The following ITGB6 variants were observed in gnomAD, a reference collection of about 807,000 sequenced individuals.
ITGB6 encodes the protein integrin subunit beta 6.
Under a neutral mutation model 84.5 loss-of-function variants are expected in ITGB6, and 80 were observed. The ratio of observed to expected loss-of-function variants is 0.95; its 90% CI spans 0.79 to 1.14. The LOEUF is 1.14. Ranked by LOEUF, ITGB6 falls within the 50% of genes most tolerant of loss-of-function variation. The probability of loss-of-function intolerance (pLI) is 0.00; values close to 1 mark genes in which losing one functional copy is unlikely to be tolerated. For missense variants in ITGB6, 1,006 were observed against 968.0 expected (o/e 1.04, Z -0.52); for synonymous variants, 383 against 354.9 (o/e 1.08, Z -0.89).
At chr2:160,192,843 C>G (rs893028689) in intron 4 of ITGB6, among the ~76,000 whole-genome samples, 8 of 151,644 alleles carry the variant, frequency 5.3e-5, no homozygotes, top group Non-Finnish European at 1.2e-4. Flanking sequence ...GAAAAGAAAC[C>G]ACAAAATAAG....
intron 7 of ITGB6, among the ~76,000 whole-genome samples, chr2:160,158,787 C>A (rs1211877879): frequency 6.6e-6 from 1 of 152,148 alleles, no homozygotes; most frequent in South Asian, 2.1e-4. Context: ...GCAGCAACAT[C>A]ATCTGGAAAC....
At chr2:160,181,299 A>G (rs1482035608) in intron 4 of ITGB6, among the ~76,000 whole-genome samples, 1 of 152,134 alleles carries the variant, frequency 6.6e-6, no homozygotes, top group Admixed American at 6.6e-5. Context: ...GGAGCTTGGT[A>G]GGGGGAGGGG....
intron 4 of ITGB6, among the ~76,000 whole-genome samples, chr2:160,187,646 C>T (rs11895140): frequency 0.026 from 3,970 of 152,088 alleles, 150 homozygotes; most frequent in African/African-American, 0.087. Context: ...AAGAGATTTC[C>T]GAATATGTAA....
At chr2:160,152,305 A>C (rs560177293) in intron 7 of ITGB6, among the ~76,000 whole-genome samples, 1 of 152,354 alleles carries the variant, frequency 6.6e-6, no homozygotes, top group East Asian at 1.9e-4. Context: ...TATGCAAATC[A>C]ATAAACATAA....
intron 10 of ITGB6, among the ~76,000 whole-genome samples, chr2:160,133,286 TAAAC>T (rs1683547085): frequency 6.6e-6 from 1 of 152,016 alleles, no homozygotes; most frequent in Non-Finnish European, 1.5e-5. Flanking sequence ...AAACAGACTT[TAAAC>T]AAACAAAGAT....
intron 4 of ITGB6, among the ~76,000 whole-genome samples, chr2:160,185,915 C>G (rs1402458558): frequency 1.3e-5 from 2 of 152,058 alleles, no homozygotes; most frequent in African/African-American, 4.8e-5. Context: ...AACTGACTAG[C>G]CATATGCAAA....
intron 10 of ITGB6, 98 bp downstream of exon 10, chr2:160,137,336 A>G (rs371327349): frequency 9.0e-7 from 1 of 1,111,194 alleles, no homozygotes; most frequent in African/African-American, 1.6e-5. Flanking sequence ...TTTATTGAGC[A>G]CCTACTGTGC....
At chr2:160,187,576 A>G (rs1574139590) in intron 4 of ITGB6, among the ~76,000 whole-genome samples, 1 of 152,182 alleles carries the variant, frequency 6.6e-6, no homozygotes, top group South Asian at 2.1e-4. Flanking sequence ...GAAAAAGGCA[A>G]AAGATTAAAT....
intron 8 of ITGB6, among the ~76,000 whole-genome samples, 158 bp downstream of exon 8, chr2:160,141,824 T>C (rs1388429578): frequency 6.6e-6 from 1 of 152,180 alleles, no homozygotes; most frequent in Non-Finnish European, 1.5e-5. Context: ...GCAAGCAAAA[T>C]GAACAAAATT....
intron 4 of ITGB6, among the ~76,000 whole-genome samples, chr2:160,175,200 G>A (rs561179674): frequency 1.2e-4 from 18 of 152,218 alleles, no homozygotes; most frequent in Non-Finnish European, 1.8e-4. Flanking sequence ...TTGTCAGCAC[G>A]AGAAGGTGCA....
intron 3 of ITGB6, 45 bp downstream of exon 3, chr2:160,196,171 A>G (rs773976598): frequency 4.1e-6 from 6 of 1,470,384 alleles, no homozygotes; most frequent in Non-Finnish European, 5.7e-6. Context: ...CAGAATTACC[A>G]TATATGACAT....
intron 2 of ITGB6, among the ~76,000 whole-genome samples, chr2:160,197,306 A>G (rs1489971636): frequency 6.6e-6 from 1 of 152,118 alleles, no homozygotes; most frequent in African/African-American, 2.4e-5. Flanking sequence ...AAAAAAAAAA[A>G]GTCTGCTTTT....
chr2:160,147,164 G>T (rs1435030298), intron 7 of ITGB6, among the ~76,000 whole-genome samples: 1 of 151,166 alleles, frequency 6.6e-6, no homozygotes, highest in Non-Finnish European at 1.5e-5. Flanking sequence ...AAGAAAGAAA[G>T]AAATGAAAGA....
chr2:160,121,552 A>C (rs1261689025), intron 12 of ITGB6, among the ~76,000 whole-genome samples: 1 of 152,188 alleles, frequency 6.6e-6, no homozygotes, highest in African/African-American at 2.4e-5. Flanking sequence ...TGGGAGGCTG[A>C]GGCGGGCAGA....
chr2:160,107,924 C>A, intron 13 of ITGB6, 79 bp from the exon 14 acceptor site: 1 of 1,249,386 alleles, frequency 8.0e-7, no homozygotes, highest in Non-Finnish European at 1.1e-6. Context: ...GTTGGATTTT[C>A]ATCTACATTT....
At chr2:160,173,891 T>C in intron 5 of ITGB6, 83 bp downstream of exon 5, 1 of 1,207,478 alleles carries the variant, frequency 8.3e-7, no homozygotes, top group Non-Finnish European at 1.2e-6. Flanking sequence ...GGAAAGGAAA[T>C]TAGCTAATCT....
chr2:160,135,283 C>T (rs750942761), intron 10 of ITGB6, among the ~76,000 whole-genome samples: 10 of 152,020 alleles, frequency 6.6e-5, no homozygotes, highest in South Asian at 2.1e-4. Flanking sequence ...AGCCAAATCG[C>T]GAGTGAACTC....
chr2:160,147,608 T>A (rs1184490532), intron 7 of ITGB6, among the ~76,000 whole-genome samples: 1 of 151,774 alleles, frequency 6.6e-6, no homozygotes, highest in East Asian at 1.9e-4. Context: ...ATCCAAAGAG[T>A]GTGGTATTGA....
chr2:160,127,768 G>A (rs1683295716), intron 10 of ITGB6, among the ~76,000 whole-genome samples: 1 of 152,216 alleles, frequency 6.6e-6, no homozygotes, highest in African/African-American at 2.4e-5. Context: ...TGATGTGAAT[G>A]TGTGTCTCTG....
Sources: gnomAD v4.1 joint callset for allele counts (sites outside exome capture counted in the v4.1 genomes callset) on GRCh38, gnomAD v4.1.1 for gene constraint, MANE v1.5 for transcripts, NCBI Gene and HGNC (gene_info 2026-07-23, HGNC 2026-07-21) for gene names.